Variants in IL1RAPL2 observed in about 807,000 individuals in gnomAD.
The protein encoded by IL1RAPL2 is interleukin 1 receptor accessory protein like 2.
IL1RAPL2 carries 3 observed loss-of-function variants against 44.1 expected under a neutral mutation model. The ratio of observed to expected loss-of-function variants is 0.07; its 90% CI spans 0.03 to 0.18. IL1RAPL2 has a LOEUF of 0.18. Among genes scored for constraint, IL1RAPL2 ranks in the 10% least tolerant of loss-of-function variants. The probability of loss-of-function intolerance (pLI) is 1.00; values close to 1 mark genes in which losing one functional copy is unlikely to be tolerated. For missense variants in IL1RAPL2, 391 were observed against 496.4 expected (o/e 0.79, Z 2.02); for synonymous variants, 181 against 178.8 (o/e 1.01, Z -0.10).
chrX:104,637,167 C>A (rs1468490760), intron 1 of IL1RAPL2, among the ~76,000 whole-genome samples: 2 of 109,833 alleles, frequency 1.8e-5, no homozygotes, highest in Non-Finnish European at 3.8e-5. Context: ...GATTTTTGTA[C>A]ACTGATTTTG....
chrX:105,075,210 T>C (rs1189521795), intron 2 of IL1RAPL2, among the ~76,000 whole-genome samples: 2 of 111,538 alleles, frequency 1.8e-5, no homozygotes, highest in Non-Finnish European at 3.8e-5. Context: ...TTTTGAGATA[T>C]GTTCCATCAA....
chrX:104,653,574 G>A (rs1930193615), intron 1 of IL1RAPL2, among the ~76,000 whole-genome samples: 1 of 110,905 alleles, frequency 9.0e-6, no homozygotes, highest in South Asian at 3.9e-4. Flanking sequence ...GATGGAGTTG[G>A]GGTGAGGTGA....
At chrX:105,174,958 G>A (rs2033459351) in intron 2 of IL1RAPL2, among the ~76,000 whole-genome samples, 1 of 111,846 alleles carries the variant, frequency 8.9e-6, no homozygotes, top group Admixed American at 9.5e-5. Context: ...TAAGAGAAAG[G>A]AACCTGGACT....
At chrX:105,672,954 T>C (rs1389502714) in intron 6 of IL1RAPL2, among the ~76,000 whole-genome samples, 1 of 111,101 alleles carries the variant, frequency 9.0e-6, no homozygotes, top group Non-Finnish European at 1.9e-5. Context: ...AAGTCTGGTG[T>C]ATATGAGACA....
At chrX:105,388,356 ATTTTTTTTTTTTT>A (rs772573698) in intron 5 of IL1RAPL2, among the ~76,000 whole-genome samples, 8 of 61,269 alleles carry the variant, frequency 1.3e-4, no homozygotes, top group African/African-American at 4.1e-4. Flanking sequence ...ACCAAAGCAG[ATTTTTTTTTTTTT>A]TTTTTTTTTT....
intron 2 of IL1RAPL2, among the ~76,000 whole-genome samples, chrX:104,908,321 T>C (rs1463072470): frequency 1.6e-4 from 18 of 111,586 alleles, no homozygotes; most frequent in Non-Finnish European, 2.3e-4. Context: ...TTAATATTGT[T>C]ATGTGTGAAT....
intron 2 of IL1RAPL2, among the ~76,000 whole-genome samples, chrX:104,903,605 T>A (rs1053569777): frequency 9.0e-6 from 1 of 110,938 alleles, no homozygotes; most frequent in Admixed American, 9.6e-5. Flanking sequence ...GGAGACAGAG[T>A]CTGACTCTGT....
intron 2 of IL1RAPL2, among the ~76,000 whole-genome samples, chrX:105,043,439 A>G (rs1244549171): frequency 9.2e-6 from 1 of 108,953 alleles, no homozygotes; most frequent in African/African-American, 3.3e-5. Context: ...TAGACTTGGG[A>G]GGCAGCCAGT....
chrX:104,864,470 T>C (rs1922565304), intron 2 of IL1RAPL2, among the ~76,000 whole-genome samples: 1 of 112,394 alleles, frequency 8.9e-6, no homozygotes, highest in African/African-American at 3.2e-5. Flanking sequence ...TTTGAGCACT[T>C]ACTCAGAGTA....
intron 2 of IL1RAPL2, among the ~76,000 whole-genome samples, chrX:104,686,829 G>A (rs1242652689): frequency 8.9e-6 from 1 of 112,040 alleles, no homozygotes; most frequent in Middle Eastern, 4.2e-3. Context: ...AGTTGTTAGA[G>A]CAATTTATGC....
chrX:104,902,685 C>T (rs940537971), intron 2 of IL1RAPL2, among the ~76,000 whole-genome samples: 4 of 111,809 alleles, frequency 3.6e-5, no homozygotes, highest in African/African-American at 1.3e-4. Context: ...TTCTATTTTC[C>T]TGTCTATATG....
intron 5 of IL1RAPL2, among the ~76,000 whole-genome samples, chrX:105,431,905 G>T (rs2035850231): frequency 1.8e-5 from 2 of 110,928 alleles, no homozygotes; most frequent in Admixed American, 1.9e-4. Flanking sequence ...AGGGGGCCTT[G>T]CAAAAGAAAG....
chrX:104,708,266 CTT>C (rs1271254172), intron 2 of IL1RAPL2, among the ~76,000 whole-genome samples: 1 of 111,477 alleles, frequency 9.0e-6, no homozygotes, highest in Non-Finnish European at 1.9e-5. Context: ...TTTCTTTAGT[CTT>C]TTGCTTTCTA....
At chrX:105,498,497 T>C (rs943281684) in intron 6 of IL1RAPL2, among the ~76,000 whole-genome samples, 34 of 111,478 alleles carry the variant, frequency 3.0e-4, no homozygotes, top group African/African-American at 9.5e-4. Context: ...AGACAATCCC[T>C]ATCAAAATTC....
intron 2 of IL1RAPL2, among the ~76,000 whole-genome samples, chrX:105,097,366 C>T (rs1416882438): frequency 9.4e-6 from 1 of 106,791 alleles, no homozygotes; most frequent in African/African-American, 3.5e-5. Flanking sequence ...ATGCCAGGGC[C>T]CCCTCAGAGT....
At chrX:104,694,027 A>C (rs955279240) in intron 2 of IL1RAPL2, among the ~76,000 whole-genome samples, 17 of 111,846 alleles carry the variant, frequency 1.5e-4, no homozygotes, top group African/African-American at 5.5e-4. Context: ...GGGGATAGCA[A>C]ATATATTTGC....
At chrX:105,072,166 A>G (rs1056197322) in intron 2 of IL1RAPL2, among the ~76,000 whole-genome samples, 10 of 111,240 alleles carry the variant, frequency 9.0e-5, no homozygotes, top group African/African-American at 3.3e-4. Context: ...TGATGGTTTT[A>G]TAAGTGACAG....
intron 7 of IL1RAPL2, among the ~76,000 whole-genome samples, chrX:105,735,704 C>A (rs1302814190): frequency 2.7e-5 from 3 of 111,414 alleles, no homozygotes; most frequent in Non-Finnish European, 5.7e-5. Context: ...TAATTTTCTG[C>A]AACTGTGTAC....
At chrX:104,640,335 G>T (rs756727215) in intron 1 of IL1RAPL2, among the ~76,000 whole-genome samples, 2 of 111,178 alleles carry the variant, frequency 1.8e-5, no homozygotes, top group Admixed American at 1.9e-4. Flanking sequence ...ATTTCTGACT[G>T]GTTCCTTTTT....
Sources: gnomAD v4.1 joint callset for allele counts (sites outside exome capture counted in the v4.1 genomes callset) on GRCh38, gnomAD v4.1.1 for gene constraint, MANE v1.5 for transcripts, NCBI Gene and HGNC (gene_info 2026-07-23, HGNC 2026-07-21) for gene names.